The following MEI1 variants were observed in gnomAD, a reference collection of about 807,000 sequenced individuals.
MEI1 encodes meiosis inhibitor protein 1.
In MEI1, 103 loss-of-function variants were observed where a neutral mutation model predicts 146.2. That is an observed-to-expected ratio of 0.70 (90% CI 0.60 to 0.83). The LOEUF is 0.83. MEI1 is among the 40% of genes least tolerant of loss of function. MEI1 has a pLI of 0.00. For synonymous variants in MEI1, 652 were observed against 628.2 expected (o/e 1.04, Z -0.57); for missense variants, 1,529 against 1,533.0 (o/e 1.00, Z 0.04).
intron 26 of MEI1, among the ~76,000 whole-genome samples, chr22:41,785,455 G>T (rs1441372984): frequency 6.6e-6 from 1 of 150,656 alleles, no homozygotes; most frequent in Non-Finnish European, 1.5e-5. Flanking sequence ...GTAGAGAAAG[G>T]TTTTCACTGT....
chr22:41,737,108 A>C (rs2072441063), intron 11 of MEI1, among the ~76,000 whole-genome samples: 1 of 152,216 alleles, frequency 6.6e-6, no homozygotes, highest in Admixed American at 6.6e-5. Context: ...AACTCTGCCC[A>C]AAATAATATT....
At chr22:41,708,648 T>C (rs1751765887) in intron 3 of MEI1, among the ~76,000 whole-genome samples, 1 of 152,240 alleles carries the variant, frequency 6.6e-6, no homozygotes, top group African/African-American at 2.4e-5. Flanking sequence ...TTTAGCATGT[T>C]GTTTAACAAC....
intron 4 of MEI1, 27 bp downstream of exon 4, chr22:41,714,102 G>T: frequency 1.3e-6 from 2 of 1,567,684 alleles, no homozygotes; most frequent in Non-Finnish European, 1.7e-6. Flanking sequence ...GGGTTCTTGA[G>T]TCTCTCAGAA....
Position 41,760,158 on chromosome 22 carries a change from A to T in MEI1, c.2120+1625A>T, listed in dbSNP as rs370642789. On this transcript the variant is annotated intron_variant, in intron 18 of 30. Coordinates refer to ENST00000401548, the MANE Select transcript of MEI1 (RefSeq NM_152513.4). ...CCCCGTCTCTACTAAAAATACAAAA[A>T]AATTAGCCGGGCGTGGTGGTGGGTG... Among the ~76,000 whole-genome samples, 9 of 151,852 alleles carry T rather than the reference A, an allele frequency of 5.9e-5. No individual in the cohort carries two copies. In the East Asian group the frequency reaches 7.8e-4, roughly 13 times the overall value.
intron 1 of MEI1, among the ~76,000 whole-genome samples, chr22:41,701,698 TAG>T (rs2068734353): frequency 6.6e-6 from 1 of 152,142 alleles, no homozygotes; most frequent in Non-Finnish European, 1.5e-5. Context: ...GAGAACATGT[TAG>T]AACTTAGAAG....
At chr22:41,788,623 T>G (rs527364371) in intron 26 of MEI1, among the ~76,000 whole-genome samples, 37 of 151,828 alleles carry the variant, frequency 2.4e-4, no homozygotes, top group Middle Eastern at 3.4e-3. Flanking sequence ...GTATTTTTAG[T>G]AGAGACAGGG....
intron 18 of MEI1, 110 bp downstream of exon 18, chr22:41,758,643 CG>C (rs2147924298): frequency 8.9e-7 from 1 of 1,128,016 alleles, no homozygotes; most frequent in Non-Finnish European, 1.2e-6. Flanking sequence ...ACTGGGGACA[CG>C]GGGATAAGTA....
intron 3 of MEI1, among the ~76,000 whole-genome samples, chr22:41,711,313 T>C (rs1016135423): frequency 5.9e-5 from 9 of 152,158 alleles, no homozygotes; most frequent in Non-Finnish European, 1.0e-4. Flanking sequence ...GCTGGGACTA[T>C]AGGCGCCCGC....
chr22:41,718,204 G>A lies in MEI1; in HGVS notation c.663G>A (p.Glu221=). 3 of 1,614,022 alleles carry A rather than the reference G, an allele frequency of 1.9e-6. No individual in the cohort carries two copies. Among genetic ancestry groups the A allele is most frequent in the Non-Finnish European group, 2.5e-6 (3 of 1,179,906 alleles). ...AGATGCTTTCAGGACACTTCCGTGA[G>A]AAGCTTTTTCCCCTCTTCCTTTCCA... ...AAEMLSGHFR[E]KLFPLFLSIL... The change falls in exon 6 of 31, where the codon GAG becomes GAA. Residue 221 remains glutamate, a synonymous_variant. Transcript: ENST00000401548.
chr22:41,752,952 G>T (rs764159576), intron 16 of MEI1, among the ~76,000 whole-genome samples: 1 of 152,162 alleles, frequency 6.6e-6, no homozygotes, highest in Non-Finnish European at 1.5e-5. Flanking sequence ...AGGCCAAGAT[G>T]GGAGGATTGC....
intron 18 of MEI1, chr22:41,759,259 C>G (rs1015422480): frequency 1.3e-5 from 2 of 152,044 alleles, no homozygotes; most frequent in Non-Finnish European, 2.9e-5. Flanking sequence ...TTTGGGAGGC[C>G]GAGGCGGGTG....
chr22:41,794,605 C>T (rs1226878562), intron 28 of MEI1, 128 bp downstream of exon 28: 4 of 729,022 alleles, frequency 5.5e-6, no homozygotes, highest in Non-Finnish European at 9.4e-6. Context: ...GGCAGGCCTT[C>T]ACCCTACAAG....
At chr22:41,737,285 G>A (rs1222124767) in intron 11 of MEI1, among the ~76,000 whole-genome samples, 1 of 151,450 alleles carries the variant, frequency 6.6e-6, no homozygotes, top group Non-Finnish European at 1.5e-5. Context: ...CGCCCAGGCT[G>A]GAGTGCAGTG....
chr22:41,785,938 T>C (rs2075966482), intron 26 of MEI1, among the ~76,000 whole-genome samples: 1 of 136,166 alleles, frequency 7.3e-6, no homozygotes, highest in African/African-American at 2.7e-5. Flanking sequence ...TGAGACGGAG[T>C]CTCGCTCTGT....
At chr22:41,761,613 C>T (rs933495896) in intron 18 of MEI1, among the ~76,000 whole-genome samples, 1 of 151,780 alleles carries the variant, frequency 6.6e-6, no homozygotes, top group African/African-American at 2.4e-5. Flanking sequence ...TGCGCCCGGC[C>T]GACTCAGTCT....
At chr22:41,793,277 G>A (rs988955541) in intron 26 of MEI1, among the ~76,000 whole-genome samples, 2 of 151,620 alleles carry the variant, frequency 1.3e-5, no homozygotes, top group African/African-American at 4.8e-5. Context: ...TGATCCACCC[G>A]CTCAGCCTCC....
At chr22:41,716,988 T>C (rs1374169276) in intron 5 of MEI1, among the ~76,000 whole-genome samples, 1 of 151,710 alleles carries the variant, frequency 6.6e-6, no homozygotes, top group African/African-American at 2.4e-5. Flanking sequence ...CACGCCCGGC[T>C]CCATTCATTC....
chr22:41,794,268 C>A, intron 27 of MEI1, 103 bp from the exon 28 acceptor site: 1 of 976,088 alleles, frequency 1.0e-6, no homozygotes, highest in Non-Finnish European at 1.6e-6. Flanking sequence ...AGTGCCCTGT[C>A]TCTAACTGGG....
At chr22:41,780,009 C>T (rs2075672729) in intron 22 of MEI1, among the ~76,000 whole-genome samples, 1 of 152,080 alleles carries the variant, frequency 6.6e-6, no homozygotes. Context: ...CCCAGTCCAC[C>T]TCATGAGAAC....
Sources: gnomAD v4.1 joint callset for allele counts (sites outside exome capture counted in the v4.1 genomes callset) on GRCh38, gnomAD v4.1.1 for gene constraint, MANE v1.5 for transcripts, NCBI Gene and HGNC (gene_info 2026-07-23, HGNC 2026-07-21) for gene names.